GAS2: variants seen among roughly 807,000 people sequenced by gnomAD.
GAS2 encodes the protein growth arrest specific 2, also known as growth arrest-specific protein 2.
In GAS2, 20 loss-of-function variants were observed where a neutral mutation model predicts 37.5. The ratio of observed to expected loss-of-function variants is 0.53; its 90% CI spans 0.37 to 0.77. GAS2 has a LOEUF of 0.77. GAS2 is among the 30% of genes least tolerant of loss of function. The pLI, the probability that GAS2 is intolerant of heterozygous loss-of-function variation, is 0.00. For synonymous variants in GAS2, 144 were observed against 132.2 expected (o/e 1.09, Z -0.61); for missense variants, 336 against 373.4 (o/e 0.90, Z 0.82).
intron 5 of GAS2, among the ~76,000 whole-genome samples, chr11:22,745,118 C>CAAAAAAAA (rs142582542): frequency 7.8e-6 from 1 of 128,994 alleles, no homozygotes; most frequent in African/African-American, 2.9e-5. Flanking sequence ...CATTTGGAAC[C>CAAAAAAAA]AAAAAAAAAA....
At chr11:22,705,943 A>G (rs367836838) in intron 3 of GAS2, among the ~76,000 whole-genome samples, 1 of 152,184 alleles carries the variant, frequency 6.6e-6, no homozygotes, top group South Asian at 2.1e-4. Flanking sequence ...GGGAATATAG[A>G]GTGTGCCAAA....
At chr11:22,738,767 G>A (rs1332264285) in intron 5 of GAS2, among the ~76,000 whole-genome samples, 1 of 152,148 alleles carries the variant, frequency 6.6e-6, no homozygotes, top group Non-Finnish European at 1.5e-5. Flanking sequence ...AAATTAACCT[G>A]TAATCAGAAT....
At chr11:22,739,264 G>A (rs1018845993) in intron 5 of GAS2, among the ~76,000 whole-genome samples, 4 of 152,182 alleles carry the variant, frequency 2.6e-5, no homozygotes, top group African/African-American at 9.6e-5. Context: ...CCAAGGACTC[G>A]GCATCTATTG....
rs892219963 is a variant in GAS2 at position 22,769,554 on chromosome 11, TAAAAG to T, written c.723+13603_723+13607del. 1.5e-4 allele frequency among the ~76,000 whole-genome samples: 23 copies of T among 152,262 alleles called. No homozygotes were observed. The South Asian group carries it at 2.7e-3, about 18-fold the overall frequency. ...AAGTGAAGATGAAATATTCTAAAGA[TAAAAG>T]AGAAAGTAGCCTTAAATAAATTTTA... is the stretch of plus-strand genomic sequence containing the variant. On this transcript the variant is annotated intron_variant, in intron 7 of 7. Coordinates refer to ENST00000454584, the MANE Select transcript of GAS2 (RefSeq NM_001143830.3).
intron 2 of GAS2, among the ~76,000 whole-genome samples, chr11:22,677,466 G>A (rs10500940): frequency 3.3e-5 from 5 of 152,308 alleles, no homozygotes; most frequent in Middle Eastern, 6.8e-3. Flanking sequence ...ATAATTTACA[G>A]TATGATCTAT....
intron 2 of GAS2, among the ~76,000 whole-genome samples, chr11:22,684,983 G>A (rs917854349): frequency 6.6e-6 from 1 of 152,094 alleles, no homozygotes; most frequent in African/African-American, 2.4e-5. Flanking sequence ...ATACATACAT[G>A]GTTCTATTTT....
upstream of GAS2, among the ~76,000 whole-genome samples, chr11:22,665,668 G>A (rs1036572966): frequency 3.3e-5 from 5 of 152,076 alleles, no homozygotes; most frequent in Non-Finnish European, 7.4e-5. Flanking sequence ...CTTTTCAATC[G>A]GTTTTCTCTT....
chr11:22,772,544 AT>A (rs944415829), intron 7 of GAS2, among the ~76,000 whole-genome samples: 1 of 152,060 alleles, frequency 6.6e-6, no homozygotes, highest in African/African-American at 2.4e-5. Context: ...TTTGGAATAA[AT>A]TTTTTTTAAA....
intron 4 of GAS2, among the ~76,000 whole-genome samples, chr11:22,726,869 C>T (rs116442619): frequency 7.9e-4 from 121 of 152,216 alleles, no homozygotes; most frequent in African/African-American, 2.8e-3. Context: ...TGACCATAAG[C>T]TCTACCTTTA....
chr11:22,647,079 C>A (rs7943788), intron 1 of GAS2, among the ~76,000 whole-genome samples: 1 of 121,202 alleles, frequency 8.3e-6, no homozygotes, highest in East Asian at 2.8e-4. Flanking sequence ...CCCCTCCCCC[C>A]ACCCCACAAC....
chr11:22,753,638 A>C (rs778561294), intron 6 of GAS2, among the ~76,000 whole-genome samples: 4 of 152,092 alleles, frequency 2.6e-5, no homozygotes, highest in Non-Finnish European at 4.4e-5. Context: ...TGATGCTGTC[A>C]GTCTGATTTT....
chr11:22,632,997 C>A (rs906258617), intron 1 of GAS2, among the ~76,000 whole-genome samples: 1 of 151,216 alleles, frequency 6.6e-6, no homozygotes, highest in Non-Finnish European at 1.5e-5. Context: ...TGTTTTTCAC[C>A]TTTTTCTTGT....
intron 1 of GAS2, among the ~76,000 whole-genome samples, chr11:22,634,053 T>G (rs1384663131): frequency 6.6e-6 from 1 of 152,286 alleles, no homozygotes; most frequent in East Asian, 1.9e-4. Context: ...TACCCAAGAC[T>G]GGGCAATTTA....
intron 7 of GAS2, among the ~76,000 whole-genome samples, chr11:22,811,229 T>A (rs1208455953): frequency 6.6e-6 from 1 of 152,154 alleles, no homozygotes; most frequent in Non-Finnish European, 1.5e-5. Flanking sequence ...AGAAAAAGAA[T>A]AAAGAAAAAC....
intron 3 of GAS2, among the ~76,000 whole-genome samples, chr11:22,691,696 T>G (rs1850252991): frequency 6.6e-6 from 1 of 152,178 alleles, no homozygotes; most frequent in African/African-American, 2.4e-5. Flanking sequence ...AGAAATAATT[T>G]TTTTATAGGT....
chr11:22,644,467 A>G (rs1357394959), intron 1 of GAS2, among the ~76,000 whole-genome samples: 2 of 152,300 alleles, frequency 1.3e-5, no homozygotes, highest in Non-Finnish European at 2.9e-5. Context: ...TGAGGGAACC[A>G]CTCTAAGGGA....
rs569079044 is a variant in GAS2 at position 22,696,591 on chromosome 11, C to T, written c.267+10802C>T. Reference sequence around the variant, plus strand: ...AAAAGTGTTCCTACTTCTCCATATCCTCTCCAGCACCTGTTGTTTCCTGAC... The same window carrying T: ...AAAAGTGTTCCTACTTCTCCATATCTTCTCCAGCACCTGTTGTTTCCTGAC... On this transcript the variant is annotated intron_variant, in intron 3 of 7. Transcript: ENST00000454584. Among the ~76,000 whole-genome samples, 10 of 152,144 alleles carry T rather than the reference C, an allele frequency of 6.6e-5. 1 individual carries two copies. In the South Asian group the frequency reaches 2.1e-3, roughly 32 times the overall value.
chr11:22,746,068 G>A (rs976312767), intron 5 of GAS2, among the ~76,000 whole-genome samples: 1 of 152,124 alleles, frequency 6.6e-6, no homozygotes, highest in Admixed American at 6.5e-5. Flanking sequence ...TGTAGTCCCA[G>A]CTACTCAGAG....
chr11:22,729,847 T>C (rs1468309335), intron 4 of GAS2, among the ~76,000 whole-genome samples: 1 of 151,802 alleles, frequency 6.6e-6, no homozygotes, highest in African/African-American at 2.4e-5. Flanking sequence ...GAATCTTCCA[T>C]ACATTGCTGA....
Sources: allele counts gnomAD v4.1 joint callset (sites outside exome capture counted in the v4.1 genomes callset), GRCh38; gene constraint gnomAD v4.1.1; transcripts MANE v1.5; gene names NCBI Gene and HGNC (gene_info 2026-07-23, HGNC 2026-07-21).